KAT6B: variants seen among roughly 807,000 people sequenced by gnomAD.
The protein encoded by KAT6B is lysine acetyltransferase 6B.
KAT6B carries 10 observed loss-of-function variants against 187.5 expected under a neutral mutation model. The observed-to-expected ratio is 0.05, with a 90% confidence interval of 0.03 to 0.09. KAT6B has a LOEUF of 0.09. Among genes scored for constraint, KAT6B ranks in the 10% least tolerant of loss-of-function variants. The pLI, the probability that KAT6B is intolerant of heterozygous loss-of-function variation, is 1.00. For missense variants in KAT6B, 1,952 were observed against 2,558.9 expected, an observed-to-expected ratio of 0.76 and a Z score of 5.12; for synonymous variants, 861 against 926.8, an observed-to-expected ratio of 0.93 and a Z score of 1.29.
chr10:74,845,054 C>CA lies in KAT6B; in HGVS notation c.621+1583dup, dbSNP rs113336704. ...CAACATAGTAAGACCCCTGTCTCTA[C>CA]AAAAAAATCAAAGAATTAGCCAGGC... is the stretch of plus-strand genomic sequence containing the variant. On this transcript the variant is annotated intron_variant, in intron 3 of 17. Coordinates refer to ENST00000287239, the MANE Select transcript of KAT6B (RefSeq NM_012330.4). 5.3e-5 allele frequency among the ~76,000 whole-genome samples: 8 copies of CA among 151,790 alleles called. No homozygotes were observed. In the East Asian group the frequency reaches 7.8e-4, roughly 15 times the overall value.
intron 11 of KAT6B, 174 bp downstream of exon 11, chr10:74,982,102 CA>C (rs1382641992): frequency 8.1e-6 from 5 of 618,244 alleles, no homozygotes; most frequent in Admixed American, 2.7e-5. Flanking sequence ...CCATATTAAG[CA>C]ACCATTTAGA....
chr10:74,872,154 A>C (rs1346403558), intron 3 of KAT6B, among the ~76,000 whole-genome samples: 1 of 152,158 alleles, frequency 6.6e-6, no homozygotes, highest in East Asian at 1.9e-4. Context: ...TTCCCTTCTC[A>C]CACTTGCTCA....
intron 3 of KAT6B, 118 bp downstream of exon 3, chr10:74,843,596 G>T (rs1357875539): frequency 7.7e-7 from 1 of 1,300,312 alleles, no homozygotes; most frequent in Non-Finnish European, 1.1e-6. Flanking sequence ...TGAATGTTTT[G>T]CCTTAGAGCA....
rs531835157 is a variant in KAT6B at position 74,924,354 on chromosome 10, A to T, written c.622-35616A>T. ...TCATTTTGTTCAGATTCTAAAAAAA[A>T]ATTCCTTCATAAGCAGTTGGCTTCC... is the stretch of plus-strand genomic sequence containing the variant. On this transcript the variant is annotated intron_variant, in intron 3 of 17. Coordinates refer to ENST00000287239, the MANE Select transcript of KAT6B (RefSeq NM_012330.4). Among the ~76,000 whole-genome samples the T allele has an allele frequency of 4.2e-4, 64 of 152,294 alleles. No homozygotes were observed. In the South Asian group the frequency reaches 0.011, roughly 26 times the overall value.
intron 3 of KAT6B, among the ~76,000 whole-genome samples, chr10:74,920,705 G>A (rs959175952): frequency 6.6e-6 from 1 of 151,990 alleles, no homozygotes; most frequent in Admixed American, 6.6e-5. Context: ...TGGTTCTCTT[G>A]GCCAGTTGAC....
intron 3 of KAT6B, among the ~76,000 whole-genome samples, chr10:74,884,450 A>G (rs916458546): frequency 6.6e-6 from 1 of 152,178 alleles, no homozygotes; most frequent in Non-Finnish European, 1.5e-5. Flanking sequence ...TAAAAGCCCT[A>G]CTTTATCAGT....
chr10:74,851,200 C>T (rs961708598), intron 3 of KAT6B, among the ~76,000 whole-genome samples: 1 of 151,790 alleles, frequency 6.6e-6, no homozygotes, highest in Non-Finnish European at 1.5e-5. Flanking sequence ...TGCCGCCTCT[C>T]GGGTTCAAGC....
chr10:74,904,882 G>A (rs557648404), intron 3 of KAT6B, among the ~76,000 whole-genome samples: 1 of 152,228 alleles, frequency 6.6e-6, no homozygotes, highest in East Asian at 1.9e-4. Context: ...CTTCACAGCA[G>A]TGGCCTCTAT....
chr10:74,839,300 G>A (rs1359898123), intron 2 of KAT6B, among the ~76,000 whole-genome samples: 4 of 148,836 alleles, frequency 2.7e-5, no homozygotes, highest in Admixed American at 1.3e-4. Context: ...GCGCAATCTC[G>A]ACTCACTGCA....
At chr10:74,928,930 T>C (rs1848677014) in intron 3 of KAT6B, among the ~76,000 whole-genome samples, 1 of 152,242 alleles carries the variant, frequency 6.6e-6, no homozygotes, top group Non-Finnish European at 1.5e-5. Context: ...TTCTCTTTGG[T>C]TATGTGGTAG....
Position 75,030,206 on chromosome 10 carries a change from A to G in KAT6B, c.5382A>G (p.Leu1794=). The part of the protein sequence containing the change: ...IPETSNANIG[L]YERMGQSDFG... ...AGACGAGCAACGCCAACATTGGCTTATACGAGCGAATGGGTCAGAGTGATT... is the reference window on the plus strand; with the variant it reads ...AGACGAGCAACGCCAACATTGGCTTGTACGAGCGAATGGGTCAGAGTGATT... Residue 1794 remains leucine, a synonymous_variant, in exon 18 of 18, where the codon TTA becomes TTG. Transcript: ENST00000287239. The surrounding 1 kb of genome is among the most constrained non-coding windows in gnomAD (Gnocchi z 4.8). The G allele has an allele frequency of 6.2e-7, 1 of 1,614,228 alleles. No homozygotes were observed. Among genetic ancestry groups the G allele is most frequent in the East Asian group, 2.2e-5 (1 of 44,890 alleles).
chr10:74,885,122 C>T (rs1845143517), intron 3 of KAT6B, among the ~76,000 whole-genome samples: 1 of 151,936 alleles, frequency 6.6e-6, no homozygotes, highest in South Asian at 2.1e-4. Flanking sequence ...GGCCGGAGTG[C>T]AGTGGTGCAA....
chr10:74,909,856 C>G lies in KAT6B; in HGVS notation c.622-50114C>G, dbSNP rs190691448. ...TAAGCAGAGTGCCCAGTTTCCATGC[C>G]CCACCCCAAACCATTTAGATTTCAG... is the stretch of plus-strand genomic sequence containing the variant. On this transcript the variant is annotated intron_variant, in intron 3 of 17. Transcript: ENST00000287239. Among the ~76,000 whole-genome samples, 601 of 151,998 alleles carry G rather than the reference C, an allele frequency of 4.0e-3. 6 individuals are homozygous for G. Among genetic ancestry groups the G allele is most frequent in the African/African-American group, 0.013 (530 of 41,440 alleles).
chr10:75,014,972 G>T (rs766554481), intron 13 of KAT6B, among the ~76,000 whole-genome samples: 2 of 152,170 alleles, frequency 1.3e-5, no homozygotes, highest in Non-Finnish European at 2.9e-5. Context: ...TTCAGAGCAG[G>T]GTTCTAGTGG....
At chr10:74,858,598 A>T (rs901252530) in intron 3 of KAT6B, among the ~76,000 whole-genome samples, 1 of 151,732 alleles carries the variant, frequency 6.6e-6, no homozygotes, top group Non-Finnish European at 1.5e-5. Context: ...TTTGAGAAGT[A>T]CATTTAAAGT....
intron 11 of KAT6B, chr10:74,984,161 A>G (rs1027353522): frequency 6.6e-6 from 1 of 152,162 alleles, no homozygotes; most frequent in African/African-American, 2.4e-5. Context: ...TTGTGTTGCT[A>G]TGTATGGGAC....
chr10:75,002,357 C>A (rs1357400213), intron 13 of KAT6B, among the ~76,000 whole-genome samples: 1 of 150,586 alleles, frequency 6.6e-6, no homozygotes, highest in Non-Finnish European at 1.5e-5. Context: ...CTCTCTCTCT[C>A]TCTTTTTAGT....
chr10:74,868,258 G>C (rs1172189479), intron 3 of KAT6B, among the ~76,000 whole-genome samples: 1 of 152,130 alleles, frequency 6.6e-6, no homozygotes, highest in South Asian at 2.1e-4. Context: ...TATTTTAAGA[G>C]ACGGTGTCCC....
intron 17 of KAT6B, among the ~76,000 whole-genome samples, chr10:75,026,982 A>C (rs1009694074): frequency 2.6e-5 from 4 of 152,074 alleles, no homozygotes; most frequent in Non-Finnish European, 4.4e-5. Flanking sequence ...CCAAAAGTAC[A>C]AAAAAATTAG....
Sources: allele counts gnomAD v4.1 joint callset (sites outside exome capture counted in the v4.1 genomes callset), GRCh38; gene constraint gnomAD v4.1.1; non-coding constraint Gnocchi (gnomAD v3.1); transcripts MANE v1.5; gene names NCBI Gene and HGNC (gene_info 2026-07-23, HGNC 2026-07-21).